KRT8: variants seen among roughly 807,000 people sequenced by gnomAD.
KRT8 encodes the protein keratin, type II cytoskeletal 8.
Under a neutral mutation model 43.0 loss-of-function variants are expected in KRT8, and 24 were observed. That is an observed-to-expected ratio of 0.56 (90% CI 0.40 to 0.78). The LOEUF (loss-of-function observed/expected upper bound fraction) is 0.78. Ranked by LOEUF, KRT8 falls within the 30% of genes least tolerant of loss-of-function variation. The pLI is 0.00. For synonymous variants in KRT8, 214 were observed against 261.2 expected (o/e 0.82, Z 1.74); for missense variants, 492 against 638.4 (o/e 0.77, Z 2.47).
chr12:52,914,436 C>T (rs757390519), intron 2 of KRT8, among the ~76,000 whole-genome samples: 1 of 152,060 alleles, frequency 6.6e-6, no homozygotes, highest in Non-Finnish European at 1.5e-5. Flanking sequence ...ACTCAGGAGG[C>T]TGAGGCAGGA....
chr12:52,940,501 T>C (rs1252209159), intron 2 of KRT8, among the ~76,000 whole-genome samples: 1 of 150,494 alleles, frequency 6.6e-6, no homozygotes, highest in Non-Finnish European at 1.5e-5. Context: ...GTTTATTTTA[T>C]ACAACATTAT....
intron 2 of KRT8, among the ~76,000 whole-genome samples, chr12:52,913,473 T>C (rs1273487731): frequency 6.6e-6 from 1 of 152,240 alleles, no homozygotes. Context: ...TGCATGATGA[T>C]AAGCAGGTGT....
chr12:52,943,452 TCTC>T (rs1942297675), intron 2 of KRT8, among the ~76,000 whole-genome samples: 2 of 152,092 alleles, frequency 1.3e-5, no homozygotes, highest in South Asian at 2.1e-4. Context: ...ATCTAGGCCT[TCTC>T]CTCTTTCTCC....
chr12:52,901,471 G>T, intron 2 of KRT8: 1 of 568,564 alleles, frequency 1.8e-6, no homozygotes, highest in Admixed American at 2.8e-5. Flanking sequence ...AGTGTTAACA[G>T]CAGGGCCTGA....
intron 2 of KRT8, among the ~76,000 whole-genome samples, chr12:52,936,488 C>T (rs913902360): frequency 2.6e-5 from 4 of 152,124 alleles, no homozygotes; most frequent in African/African-American, 7.2e-5. Flanking sequence ...CACTATGTTG[C>T]GGAGCTAGAT....
rs1450823351 is a variant in KRT8, at chr12:52,913,802, C to T, written c.-46-8775G>A. Among the ~76,000 whole-genome samples, 6 of 152,376 alleles carry T rather than the reference C, an allele frequency of 3.9e-5. No homozygotes were observed. In the East Asian group the frequency reaches 1.2e-3, roughly 29 times the overall value. On this transcript the variant is annotated intron_variant, in intron 2 of 6. Transcript: ENST00000546826. ...ACACCACCTTCCTACGAACGTCACA[C>T]ACATACCTGTGCACACACAGCCATA...
intron 2 of KRT8, among the ~76,000 whole-genome samples, chr12:52,922,548 C>T (rs1941910232): frequency 6.6e-6 from 1 of 152,164 alleles, no homozygotes; most frequent in Admixed American, 6.6e-5. Flanking sequence ...TGGCACATGC[C>T]TGTAATTCCA....
At chr12:52,934,055 C>T (rs889995948) in intron 2 of KRT8, among the ~76,000 whole-genome samples, 17 of 151,358 alleles carry the variant, frequency 1.1e-4, no homozygotes, top group Non-Finnish European at 1.6e-4. Context: ...TGGTGAAACC[C>T]GGTCTCTAAC....
chr12:52,918,256 G>GAAGAAGAAA (rs1363578951), intron 2 of KRT8, among the ~76,000 whole-genome samples: 7 of 150,144 alleles, frequency 4.7e-5, no homozygotes, highest in Non-Finnish European at 6.0e-5. Flanking sequence ...AGAAGAAGAA[G>GAAGAAGAAA]AAACAAAACA....
At chr12:52,901,305 T>C in intron 2 of KRT8, 86 bp from the exon 3 acceptor site, 2 of 926,272 alleles carry the variant, frequency 2.2e-6, no homozygotes, top group Non-Finnish European at 1.8e-6. Flanking sequence ...GTTGTGAAAA[T>C]CAGGAAAATT....
exon 1 of KRT8, chr12:52,904,929 C>T (rs755636595): frequency 3.7e-6 from 6 of 1,612,130 alleles, no homozygotes; most frequent in African/African-American, 2.7e-5. Flanking sequence ...GCTGAAGGCC[C>T]GGGGGCCAGA....
At chr12:52,948,494 C>CTT (rs375720808) in intron 2 of KRT8, 36,817 of 109,500 alleles carry the variant, frequency 0.34, 7,255 homozygotes, top group East Asian at 0.54. Context: ...TTTCTTTTTT[C>CTT]TTTTTTTTTT....
upstream of KRT8, among the ~76,000 whole-genome samples, chr12:52,911,113 A>G (rs976338828): frequency 1.3e-5 from 2 of 152,008 alleles, no homozygotes; most frequent in African/African-American, 4.8e-5. Flanking sequence ...GCACTTTGGG[A>G]GGCCGAGGCG....
intron 2 of KRT8, among the ~76,000 whole-genome samples, chr12:52,938,173 T>A (rs1240955083): frequency 3.8e-3 from 242 of 63,598 alleles, no homozygotes; most frequent in African/African-American, 0.013. Context: ...TATATATATT[T>A]TTTTTTTTTT....
chr12:52,938,169 T>TATATATAC (rs1942207297), intron 2 of KRT8, among the ~76,000 whole-genome samples: 1 of 40,924 alleles, frequency 2.4e-5, no homozygotes, highest in Non-Finnish European at 4.2e-5. Flanking sequence ...TATATATATA[T>TATATATAC]ATTTTTTTTT....
intron 2 of KRT8, chr12:52,926,610 T>TCC: frequency 1.6e-6 from 1 of 643,578 alleles, no homozygotes; most frequent in Non-Finnish European, 2.7e-6. Context: ...ATGTCTGAGC[T>TCC]CCCCTCCCTG....
intron 2 of KRT8, among the ~76,000 whole-genome samples, chr12:52,927,339 G>A (rs1942010924): frequency 6.6e-6 from 1 of 152,236 alleles, no homozygotes; most frequent in African/African-American, 2.4e-5. Context: ...AGGGTGAAGA[G>A]GGGCCCAGAT....
At chr12:52,918,533 A>G (rs765517605) in intron 2 of KRT8, among the ~76,000 whole-genome samples, 3 of 152,236 alleles carry the variant, frequency 2.0e-5, no homozygotes, top group Admixed American at 6.5e-5. Context: ...CTGCCCATGC[A>G]TGTTCTGCTG....
rs930356259 is a variant in KRT8, at chr12:52,924,909, G to A, written c.-46-19882C>T. On this transcript the variant is annotated intron_variant, in intron 2 of 6. Coordinates refer to the KRT8 transcript ENST00000546826. ...AGCACCGAAAGGGAGTGAAAGGGTA[G>A]ACTGAAGGAAGGACTTACTAATTCA... Among the ~76,000 whole-genome samples, 11 of 152,346 alleles carry A rather than the reference G, an allele frequency of 7.2e-5. No individual in the cohort carries two copies. In the East Asian group the frequency reaches 2.1e-3, roughly 29 times the overall value.
Sources: allele counts gnomAD v4.1 joint callset (sites outside exome capture counted in the v4.1 genomes callset), GRCh38; gene constraint gnomAD v4.1.1; transcripts MANE v1.5; gene names NCBI Gene and HGNC (gene_info 2026-07-23, HGNC 2026-07-21).